PTPRD: variants seen among roughly 807,000 people sequenced by gnomAD.
The protein encoded by PTPRD is protein tyrosine phosphatase receptor type D.
A neutral mutation model predicts 214.5 loss-of-function variants in PTPRD; 34 were observed. The ratio of observed to expected loss-of-function variants is 0.16; its 90% CI spans 0.12 to 0.21. The LOEUF is 0.21. PTPRD is among the 10% of genes least tolerant of loss of function. The pLI, the probability that PTPRD is intolerant of heterozygous loss-of-function variation, is 1.00. For synonymous variants in PTPRD, 1,128 were observed against 845.7 expected (o/e 1.33, Z -5.79); for missense variants, 2,545 against 2,398.7 (o/e 1.06, Z -1.27).
chr9:8,599,618 T>C (rs2094704120), intron 14 of PTPRD, among the ~76,000 whole-genome samples: 1 of 82,646 alleles, frequency 1.2e-5, no homozygotes. Flanking sequence ...CCACCCTTTT[T>C]TTTTTTTTTT....
intron 2 of PTPRD, among the ~76,000 whole-genome samples, chr9:10,509,734 T>G (rs1459094964): frequency 6.6e-6 from 1 of 151,200 alleles, no homozygotes; most frequent in African/African-American, 2.4e-5. Context: ...AGGACAGTAT[T>G]TCAAAACCAA....
intron 2 of PTPRD, among the ~76,000 whole-genome samples, chr9:10,611,601 A>G (rs946473210): frequency 6.6e-6 from 1 of 152,176 alleles, no homozygotes; most frequent in Non-Finnish European, 1.5e-5. Context: ...GTTAGCCCCA[A>G]GAGGAATACT....
intron 10 of PTPRD, among the ~76,000 whole-genome samples, chr9:9,070,463 A>G (rs2099742138): frequency 6.6e-6 from 1 of 152,180 alleles, no homozygotes; most frequent in East Asian, 1.9e-4. Flanking sequence ...GACCCATTCA[A>G]CTTTATCCAA....
chr9:10,569,789 G>C (rs983179015), intron 2 of PTPRD, among the ~76,000 whole-genome samples: 1 of 151,978 alleles, frequency 6.6e-6, no homozygotes, highest in Admixed American at 6.6e-5. Context: ...ATTTTGGTGT[G>C]CTTTACCTCG....
rs73642007 is a variant in PTPRD at position 10,533,994 on chromosome 9, T to C, written c.-600+78404A>G. Among the ~76,000 whole-genome samples the C allele has an allele frequency of 7.8e-3, 1,181 of 151,636 alleles. 7 individuals carry two copies. The highest frequency in any genetic ancestry group is 0.027 in the African/African-American group (1,108 of 41,524). On this transcript the variant is annotated intron_variant, in intron 2 of 45. Transcript: ENST00000381196. ...AGGGAATATTTTATTTATTAATAAA[T>C]ATAAAATATTTGTTATCCTTTTTCA...
chr9:10,520,782 T>C (rs530151958), intron 2 of PTPRD, among the ~76,000 whole-genome samples: 101 of 152,174 alleles, frequency 6.6e-4, no homozygotes, highest in African/African-American at 2.3e-3. Flanking sequence ...ACTCTGCCTG[T>C]GTTCTATAAA....
intron 35 of PTPRD, among the ~76,000 whole-genome samples, chr9:8,410,172 G>C (rs1301800011): frequency 6.6e-6 from 1 of 152,142 alleles, no homozygotes; most frequent in African/African-American, 2.4e-5. Context: ...AGATGGGAAG[G>C]GCTATATTTT....
chr9:8,746,298 A>C (rs951772643), intron 11 of PTPRD, among the ~76,000 whole-genome samples: 1 of 152,186 alleles, frequency 6.6e-6, no homozygotes, highest in Non-Finnish European at 1.5e-5. Context: ...GAAGATACAC[A>C]ATGGTTATTT....
intron 7 of PTPRD, among the ~76,000 whole-genome samples, chr9:9,697,575 T>G (rs538593624): frequency 5.3e-5 from 8 of 152,136 alleles, no homozygotes; most frequent in Non-Finnish European, 8.8e-5. Flanking sequence ...GTCTCTCATA[T>G]GTTTTTTGCT....
At chr9:8,504,473 C>G in intron 22 of PTPRD, 68 bp from the exon 23 acceptor site, 1 of 1,531,874 alleles carries the variant, frequency 6.5e-7, no homozygotes, top group Non-Finnish European at 9.0e-7. Context: ...ATCATACTGT[C>G]TGGACCATCA....
chr9:8,443,777 C>T (rs1296510561), intron 34 of PTPRD, among the ~76,000 whole-genome samples: 1 of 152,052 alleles, frequency 6.6e-6, no homozygotes, highest in African/African-American at 2.4e-5. Flanking sequence ...ACCACCAATG[C>T]TACCAGTAGC....
intron 9 of PTPRD, among the ~76,000 whole-genome samples, chr9:9,243,485 C>T (rs780192307): frequency 6.6e-5 from 10 of 152,094 alleles, no homozygotes; most frequent in Non-Finnish European, 1.3e-4. Context: ...GCTGGTTCAA[C>T]ATATGCAAAT....
chr9:9,842,792 A>G (rs1020839613), intron 5 of PTPRD, among the ~76,000 whole-genome samples: 8 of 152,080 alleles, frequency 5.3e-5, no homozygotes, highest in African/African-American at 1.9e-4. Context: ...GATGTGGAAG[A>G]AAAGGGAATG....
chr9:10,172,516 T>C (rs971871654), intron 3 of PTPRD, among the ~76,000 whole-genome samples: 8 of 152,230 alleles, frequency 5.3e-5, no homozygotes, highest in Non-Finnish European at 8.8e-5. Context: ...CCACTTTCTA[T>C]CCATAATTCT....
At chr9:10,307,048 C>T (rs1216587908) in intron 3 of PTPRD, among the ~76,000 whole-genome samples, 3 of 152,162 alleles carry the variant, frequency 2.0e-5, no homozygotes, top group Non-Finnish European at 4.4e-5. Context: ...TCACTTTGAA[C>T]ATTTATCATT....
chr9:9,115,397 A>G (rs564533262), intron 10 of PTPRD, among the ~76,000 whole-genome samples: 2 of 152,300 alleles, frequency 1.3e-5, no homozygotes, highest in African/African-American at 4.8e-5. Flanking sequence ...ATCACTAATC[A>G]TCAGGAAAAT....
intron 7 of PTPRD, among the ~76,000 whole-genome samples, chr9:9,642,769 C>T (rs555905589): frequency 1.0e-3 from 154 of 152,242 alleles, no homozygotes; most frequent in African/African-American, 3.5e-3. Context: ...TATATTTGCT[C>T]CCTAAATCTT....
intron 3 of PTPRD, among the ~76,000 whole-genome samples, chr9:10,240,595 C>A (rs913856238): frequency 6.6e-5 from 10 of 151,850 alleles, no homozygotes; most frequent in Non-Finnish European, 1.5e-4. Context: ...AACTTAGTAA[C>A]ACAATTTTAA....
intron 14 of PTPRD, among the ~76,000 whole-genome samples, chr9:8,553,871 C>G (rs1290508808): frequency 6.6e-6 from 1 of 152,122 alleles, no homozygotes; most frequent in Non-Finnish European, 1.5e-5. Context: ...GGCGGCCAGT[C>G]TCTTACGAAA....
Sources: allele counts gnomAD v4.1 joint callset (sites outside exome capture counted in the v4.1 genomes callset), GRCh38; gene constraint gnomAD v4.1.1; transcripts MANE v1.5; gene names NCBI Gene and HGNC (gene_info 2026-07-23, HGNC 2026-07-21).